IGF2R: variants seen among roughly 807,000 people sequenced by gnomAD.
IGF2R encodes cation-independent mannose-6-phosphate receptor.
A neutral mutation model predicts 270.6 loss-of-function variants in IGF2R; 91 were observed. The observed-to-expected ratio is 0.34, with a 90% CI of 0.28 to 0.40. The LOEUF is 0.40. Ranked by LOEUF, IGF2R falls within the 10% of genes least tolerant of loss-of-function variation. The probability of loss-of-function intolerance (pLI) is 1.00; values close to 1 mark genes in which losing one functional copy is unlikely to be tolerated. For missense variants in IGF2R, 2,805 were observed against 3,188.3 expected (o/e 0.88, Z 2.90); for synonymous variants, 1,316 against 1,258.9 (o/e 1.05, Z -0.96).
At chr6:159,988,807 C>T (rs1385694519) in intron 1 of IGF2R, among the ~76,000 whole-genome samples, 1 of 152,100 alleles carries the variant, frequency 6.6e-6, no homozygotes, top group Non-Finnish European at 1.5e-5. Context: ...AATATACACT[C>T]CGAGAGGGCA....
At chr6:160,091,642 G>T (rs535470418) in intron 44 of IGF2R, among the ~76,000 whole-genome samples, 1 of 152,366 alleles carries the variant, frequency 6.6e-6, no homozygotes, top group African/African-American at 2.4e-5. Flanking sequence ...AGCACTCTGT[G>T]TTTCTCTGTT....
intron 1 of IGF2R, among the ~76,000 whole-genome samples, chr6:159,987,982 C>T (rs1783914195): frequency 1.3e-5 from 2 of 152,164 alleles, no homozygotes; most frequent in Non-Finnish European, 2.9e-5. Context: ...CTCCTCCTTT[C>T]CTACTCCCAT....
chr6:160,079,548 T>C, intron 37 of IGF2R, 32 bp from the exon 38 acceptor site: 1 of 1,380,022 alleles, frequency 7.2e-7, no homozygotes, highest in Non-Finnish European at 9.4e-7. Flanking sequence ...GTGCTGCCAC[T>C]CTGCTGACGG....
chr6:160,034,809 T>G (rs1314830530), intron 10 of IGF2R, among the ~76,000 whole-genome samples: 1 of 152,214 alleles, frequency 6.6e-6, no homozygotes, highest in African/African-American at 2.4e-5. Flanking sequence ...AGTTTTCATC[T>G]TGAATTTTGG....
At chr6:160,058,765 G>C (rs1391349337) in intron 21 of IGF2R, 141 bp from the exon 22 acceptor site, 3 of 702,248 alleles carry the variant, frequency 4.3e-6, no homozygotes, top group African/African-American at 1.8e-5. Context: ...GTACTAACAT[G>C]CCAGAAAGTG....
At chr6:160,071,454 C>A (rs1778736890) in intron 31 of IGF2R, among the ~76,000 whole-genome samples, 1 of 152,188 alleles carries the variant, frequency 6.6e-6, no homozygotes, top group African/African-American at 2.4e-5. Context: ...GCAGAGTAAG[C>A]CTTGGCTGGT....
intron 1 of IGF2R, among the ~76,000 whole-genome samples, chr6:159,990,879 C>T (rs1000827096): frequency 9.2e-5 from 14 of 152,158 alleles, no homozygotes; most frequent in South Asian, 2.1e-4. Flanking sequence ...CCACCCACCT[C>T]GGCCTCCCAA....
Position 160,050,744 on chromosome 6 carries a change from TG to T in IGF2R, c.2694+95del. 8.3e-7 allele frequency: 1 copy of T among 1,208,694 alleles called. No individual in the cohort carries two copies. Among genetic ancestry groups the T allele is most frequent in the Non-Finnish European group, 1.1e-6 (1 of 873,232 alleles). 74.9% of individuals were successfully genotyped at this position (1,208,694 alleles called of 1,614,324 possible). A position where few individuals can be genotyped will look rare whatever the true frequency, so the allele number is the denominator to read the frequency against. On this transcript the variant is annotated intron_variant, in intron 19 of 47. Coordinates refer to ENST00000356956, the MANE Select transcript of IGF2R (RefSeq NM_000876.4). The surrounding 1 kb of genome is among the most constrained non-coding windows in gnomAD (Gnocchi z 4.0). ...TCTCTTAACAGCAGCAGTCTTGGGGTGGGTGGCGGAGCTAGGCCAGTCTTAG... is the reference window on the plus strand; with the variant it reads ...TCTCTTAACAGCAGCAGTCTTGGGGTGGTGGCGGAGCTAGGCCAGTCTTAG...
chr6:160,026,838 C>T (rs916594828), intron 5 of IGF2R, among the ~76,000 whole-genome samples: 1 of 152,128 alleles, frequency 6.6e-6, no homozygotes, highest in African/African-American at 2.4e-5. Context: ...CTAATTGTTC[C>T]AGTCATCTGT....
chr6:160,008,567 A>G (rs1223747936), intron 2 of IGF2R, among the ~76,000 whole-genome samples: 1 of 152,186 alleles, frequency 6.6e-6, no homozygotes, highest in African/African-American at 2.4e-5. Flanking sequence ...TGTGATGGGA[A>G]GTATTGAAAC....
At chr6:160,083,537 G>A (rs2115286916) in intron 39 of IGF2R, among the ~76,000 whole-genome samples, 1 of 152,160 alleles carries the variant, frequency 6.6e-6, no homozygotes, top group East Asian at 1.9e-4. Context: ...CATCCCACGA[G>A]GCCATATTTC....
intron 2 of IGF2R, among the ~76,000 whole-genome samples, chr6:160,000,728 G>GTTTTTGGTTTTTTTTTTTT (rs1784114521): frequency 1.4e-5 from 1 of 69,962 alleles, no homozygotes; most frequent in African/African-American, 6.0e-5. Context: ...GTGTGAGGTT[G>GTTTTTGGTTTTTTTTTTTT]TTTTTTTTTT....
At chr6:159,996,909 A>G (rs529431389) in intron 2 of IGF2R, among the ~76,000 whole-genome samples, 1 of 152,256 alleles carries the variant, frequency 6.6e-6, no homozygotes, top group East Asian at 1.9e-4. Flanking sequence ...CTGCCAGTGG[A>G]AATGCAGCTT....
intron 44 of IGF2R, chr6:160,092,945 A>G (rs935471524): frequency 6.6e-6 from 1 of 152,352 alleles, no homozygotes; most frequent in African/African-American, 2.4e-5. Flanking sequence ...TGACAGCAAC[A>G]GCACACTGAA....
chr6:159,970,445 T>TGGG (rs8191694), intron 1 of IGF2R, among the ~76,000 whole-genome samples: 38 of 151,624 alleles, frequency 2.5e-4, no homozygotes, highest in African/African-American at 8.8e-4. Flanking sequence ...GTAGGGTTTA[T>TGGG]GGGGGGGGTT....
chr6:160,021,857 T>A (rs1777444978), intron 4 of IGF2R, among the ~76,000 whole-genome samples: 1 of 152,194 alleles, frequency 6.6e-6, no homozygotes, highest in Non-Finnish European at 1.5e-5. Context: ...GAACTACCAT[T>A]TGACCCAGCA....
chr6:159,993,446 G>C (rs1784007386), intron 2 of IGF2R, among the ~76,000 whole-genome samples: 1 of 152,154 alleles, frequency 6.6e-6, no homozygotes, highest in South Asian at 2.1e-4. Context: ...TGGCTGTCCA[G>C]TTTTCCCAGC....
intron 1 of IGF2R, among the ~76,000 whole-genome samples, chr6:159,970,783 T>C (rs1030009954): frequency 3.9e-5 from 6 of 152,266 alleles, no homozygotes; most frequent in African/African-American, 1.4e-4. Flanking sequence ...TGACCAAAAA[T>C]AAGAAATTAA....
intron 31 of IGF2R, 33 bp downstream of exon 31, chr6:160,070,091 C>A: frequency 1.9e-6 from 3 of 1,604,874 alleles, no homozygotes; most frequent in South Asian, 2.2e-5. Context: ...TCTGCTGTTG[C>A]AGCTTTGGGA....
Sources: allele counts gnomAD v4.1 joint callset (sites outside exome capture counted in the v4.1 genomes callset), GRCh38; gene constraint gnomAD v4.1.1; non-coding constraint Gnocchi (gnomAD v3.1); transcripts MANE v1.5; gene names NCBI Gene and HGNC (gene_info 2026-07-23, HGNC 2026-07-21).